Variants in PDGFB observed in about 807,000 individuals in gnomAD.
The protein encoded by PDGFB is platelet derived growth factor subunit B.
In PDGFB, 6 loss-of-function variants were observed where a neutral mutation model predicts 29.0. The ratio of observed to expected loss-of-function variants is 0.21; its 90% CI spans 0.11 to 0.41. The LOEUF is 0.41. PDGFB is among the 10% of genes least tolerant of loss of function. PDGFB has a pLI of 1.00. For missense variants in PDGFB, 299 were observed against 341.8 expected (o/e 0.87, Z 0.99); for synonymous variants, 144 against 140.8 (o/e 1.02, Z -0.16).
chr22:39,239,807 G>T (rs947436273), intron 1 of PDGFB, among the ~76,000 whole-genome samples: 1 of 152,160 alleles, frequency 6.6e-6, no homozygotes, highest in Admixed American at 6.5e-5. Flanking sequence ...TCCCAACCAG[G>T]CTGGCAGATC....
intron 1 of PDGFB, among the ~76,000 whole-genome samples, chr22:39,240,609 C>A (rs1350900786): frequency 6.6e-6 from 1 of 152,080 alleles, no homozygotes; most frequent in Non-Finnish European, 1.5e-5. Context: ...CAACAGGGGG[C>A]CAGGTCCTGC....
rs2146457820 is a variant in PDGFB at position 39,243,161 on chromosome 22, T to C, written c.63+740A>G. ...CACAGCGCCCCGGGGGCTGGATTCC[T>C]TCAGAGCCCCTAGTCCTCCCCCTAC... On this transcript the variant is annotated intron_variant, in intron 1 of 6. Transcript: ENST00000331163. This position sits in a 1 kb window ranked among gnomAD's most constrained non-coding sequence, Gnocchi z 6.4. 4.3e-6 allele frequency: 1 copy of C among 233,080 alleles called. No individual in the cohort carries two copies. The highest frequency in any genetic ancestry group is 6.0e-5 in the East Asian group (1 of 16,560). The allele number at this position is 233,080 out of a possible 1,614,324, so 14.4% of individuals were successfully genotyped here.
rs533686661 is a variant in PDGFB at position 39,236,515 on chromosome 22, C to T, written c.64-641G>A. On this transcript the variant is annotated intron_variant, in intron 1 of 6. Coordinates refer to ENST00000331163, the MANE Select transcript of PDGFB (RefSeq NM_002608.4). ...CACGGCCGGGAAACCTGAAAGCTTA[C>T]CCGTGCCCTGTGCCCAACCAAACCC... 3.3e-4 allele frequency among the ~76,000 whole-genome samples: 51 copies of T among 152,352 alleles called. 1 individual carries two copies. The highest frequency in any genetic ancestry group is 5.6e-4 in the Non-Finnish European group (38 of 68,036).
chr22:39,234,572 G>A (rs1932394699), intron 2 of PDGFB, among the ~76,000 whole-genome samples: 1 of 152,238 alleles, frequency 6.6e-6, no homozygotes, highest in South Asian at 2.1e-4. Flanking sequence ...GTACTGCAGG[G>A]AGTCTGATGA....
rs1037863898 is a variant in PDGFB at position 39,237,271 on chromosome 22, G to T, written c.64-1397C>A. ...ATGACCAACTCTGGCCACCCACATC[G>T]ATCCAGGAGCCAGAAGACTCAGGGC... On this transcript the variant is annotated intron_variant, in intron 1 of 6. Transcript: ENST00000331163. Among the ~76,000 whole-genome samples, 3 of 134,366 alleles carry T rather than the reference G, an allele frequency of 2.2e-5. No individual in the cohort carries two copies. In the Admixed American group the frequency reaches 2.3e-4, roughly 10 times the overall value. The allele number at this position is 134,366 out of a possible 152,430, so 88.1% of individuals were successfully genotyped here. A position where few individuals can be genotyped will look rare whatever the true frequency, so the allele number is the denominator to read the frequency against.
intron 5 of PDGFB, among the ~76,000 whole-genome samples, chr22:39,228,517 AAGG>A (rs1932219962): frequency 1.3e-5 from 2 of 152,216 alleles, no homozygotes; most frequent in Admixed American, 6.5e-5. Context: ...TGAGCCCAGG[AAGG>A]AGTTCAAGGC....
chr22:39,229,852 C>T (rs113018409), intron 5 of PDGFB, among the ~76,000 whole-genome samples: 2 of 152,164 alleles, frequency 1.3e-5, no homozygotes, highest in Non-Finnish European at 2.9e-5. Flanking sequence ...GGGGGTGGCA[C>T]AGGTGAAGGG....
intron 2 of PDGFB, among the ~76,000 whole-genome samples, chr22:39,235,331 C>T (rs959842741): frequency 6.6e-6 from 1 of 152,222 alleles, no homozygotes; most frequent in African/African-American, 2.4e-5. Flanking sequence ...CGTGCCCATT[C>T]GCTGAGTGAG....
rs1182898024 is a variant in PDGFB, at chr22:39,240,935, A to G, written c.63+2966T>C. On this transcript the variant is annotated intron_variant, in intron 1 of 6. Coordinates refer to ENST00000331163, the MANE Select transcript of PDGFB (RefSeq NM_002608.4). Reference sequence around the variant, plus strand: ...CTCTCAGATGCGCACACACACACACACACACACTCTCTCTCTCTCTCTCTT... The same window carrying G: ...CTCTCAGATGCGCACACACACACACGCACACACTCTCTCTCTCTCTCTCTT... The G allele has an allele frequency of 2.3e-5, 32 of 1,389,102 alleles. No homozygotes were observed. The East Asian group carries it at 7.8e-4, about 34-fold the overall frequency. 86.0% of individuals were successfully genotyped at this position (1,389,102 alleles called of 1,614,324 possible). A position where few individuals can be genotyped will look rare whatever the true frequency, so the allele number is the denominator to read the frequency against.
intron 5 of PDGFB, 32 bp downstream of exon 5, chr22:39,230,052 G>A: frequency 6.2e-7 from 1 of 1,609,028 alleles, no homozygotes; most frequent in Non-Finnish European, 8.5e-7. Flanking sequence ...CAGGGGAAGG[G>A]GGCTGAGGGC....
chr22:39,228,118 C>G (rs980614448), intron 5 of PDGFB, among the ~76,000 whole-genome samples: 4 of 152,124 alleles, frequency 2.6e-5, no homozygotes, highest in African/African-American at 9.7e-5. Context: ...GAGAGCCACA[C>G]TACCAAGCCT....
rs748350476 is a variant in PDGFB, at chr22:39,231,796, G to A, written c.282C>T (p.Ile94=). The change falls in exon 4 of 7, where the codon ATC becomes ATT. Residue 94 remains isoleucine (I), a synonymous_variant. Coordinates refer to ENST00000331163, the MANE Select transcript of PDGFB (RefSeq NM_002608.4). This position sits in a 1 kb window ranked among gnomAD's most constrained non-coding sequence, Gnocchi z 4.3. ...CCTCGGTGCGCGTCTTGCACTCGGC[G>A]ATCATGGCCGGCTCAGCAATGGTCA... ...GSLTIAEPAM[I]AECKTRTEVF... 9.3e-6 allele frequency: 15 copies of A among 1,613,492 alleles called. No homozygotes were observed. The highest frequency in any genetic ancestry group is 1.7e-5 in the Admixed American group (1 of 59,984).
rs1219750397 is a variant in PDGFB at position 39,231,173 on chromosome 22, G to A, written c.456+449C>T. Among the ~76,000 whole-genome samples, 1 of 152,154 alleles carries A rather than the reference G, an allele frequency of 6.6e-6. No homozygotes were observed. The highest frequency in any genetic ancestry group is 2.4e-5 in the African/African-American group (1 of 41,438). ...GAGACAAGCAGGTGTCAAAGATGCA[G>A]GGCCACCCATCTGAGCCTTTCTCAA... On this transcript the variant is annotated intron_variant, in intron 4 of 6. Transcript: ENST00000331163. This position sits in a 1 kb window ranked among gnomAD's most constrained non-coding sequence, Gnocchi z 4.3.
In PDGFB at chr22:39,235,854, C is replaced by G; in HGVS notation, c.84G>C (p.Glu28Asp). The change falls in exon 2 of 7, where the codon GAG becomes GAC. Residue 28 changes from glutamate (E) to aspartate (D), a missense_variant. Coordinates refer to ENST00000331163, the MANE Select transcript of PDGFB (RefSeq NM_002608.4). ...VSAEGDPIPE[E>D]LYEMLSDHSI... ...AGTGGTCACTCAGCATCTCATAAAG[C>G]TCCTCGGGAATGGGGTCCCCCTGCC... The G allele has an allele frequency of 6.2e-7, 1 of 1,613,784 alleles. No individual in the cohort carries two copies. The highest frequency in any genetic ancestry group is 8.5e-7 in the Non-Finnish European group (1 of 1,179,876).
intron 2 of PDGFB, among the ~76,000 whole-genome samples, chr22:39,233,991 G>C (rs930625781): frequency 6.8e-6 from 1 of 147,280 alleles, no homozygotes. Flanking sequence ...GACAATGGCC[G>C]CGCTGGGCAG....
At chr22:39,239,664 G>A (rs771678140) in intron 1 of PDGFB, among the ~76,000 whole-genome samples, 2 of 152,188 alleles carry the variant, frequency 1.3e-5, no homozygotes, top group Non-Finnish European at 2.9e-5. Flanking sequence ...GAGTGAGGGC[G>A]TGGCGAGGAG....
At chr22:39,239,341 C>A (rs975353509) in intron 1 of PDGFB, among the ~76,000 whole-genome samples, 1 of 152,034 alleles carries the variant, frequency 6.6e-6, no homozygotes, top group Non-Finnish European at 1.5e-5. Flanking sequence ...GGAAATGGTA[C>A]CCTACCTCCA....
Position 39,225,856 on chromosome 22 carries a change from G to A in PDGFB, c.602-9C>T, listed in dbSNP as rs902225253. ...AGTTTGGGGCGTTTTGGCTGCACAA[G>A]AAAAAGAAAGACCTCGTCAGCATGT... is the stretch of plus-strand genomic sequence containing the variant. On this transcript the variant is annotated splice_polypyrimidine_tract_variant and intron_variant, in intron 5 of 6. Transcript: ENST00000331163. 2.5e-6 allele frequency: 4 copies of A among 1,608,678 alleles called. No homozygotes were observed. The highest frequency in any genetic ancestry group is 3.4e-6 in the Non-Finnish European group (4 of 1,176,062).
intron 3 of PDGFB, among the ~76,000 whole-genome samples, 183 bp downstream of exon 3, chr22:39,233,252 G>A (rs945468229): frequency 6.6e-6 from 1 of 152,222 alleles, no homozygotes; most frequent in Non-Finnish European, 1.5e-5. Flanking sequence ...GCGAGGGGCT[G>A]TGATGACTGA....
Sources: allele counts gnomAD v4.1 joint callset (sites outside exome capture counted in the v4.1 genomes callset), GRCh38; gene constraint gnomAD v4.1.1; non-coding constraint Gnocchi (gnomAD v3.1); transcripts MANE v1.5; gene names NCBI Gene and HGNC (gene_info 2026-07-23, HGNC 2026-07-21).